Variants in KIF24 observed in about 807,000 individuals in gnomAD.
KIF24 encodes kinesin-like protein KIF24.
A neutral mutation model predicts 118.9 loss-of-function variants in KIF24; 81 were observed. The observed-to-expected ratio is 0.68, with a 90% confidence interval of 0.57 to 0.82. The LOEUF (loss-of-function observed/expected upper bound fraction) is 0.82, where lower values mean the gene tolerates loss of function less well. Among genes scored for constraint, KIF24 ranks in the 40% least tolerant of loss-of-function variants. KIF24 has a pLI of 0.00. For synonymous variants in KIF24, 599 were observed against 610.0 expected, an observed-to-expected ratio of 0.98 and a Z score of 0.27; for missense variants, 1,560 against 1,661.6, an observed-to-expected ratio of 0.94 and a Z score of 1.06.
intron 1 of KIF24, among the ~76,000 whole-genome samples, chr9:34,326,972 A>C (rs1416431324): frequency 6.6e-6 from 1 of 152,170 alleles, no homozygotes; most frequent in Non-Finnish European, 1.5e-5. Flanking sequence ...ACTTGGAAAA[A>C]ATGTTTCCTT....
At chr9:34,259,854 A>T (rs927455444) in intron 9 of KIF24, 149 bp from the exon 10 acceptor site, 1 of 597,164 alleles carries the variant, frequency 1.7e-6, no homozygotes, top group Non-Finnish European at 3.0e-6. Flanking sequence ...CAAATGGCCA[A>T]TAAACACAGA....
intron 8 of KIF24, among the ~76,000 whole-genome samples, chr9:34,264,325 G>A (rs1377014328): frequency 6.6e-6 from 1 of 151,882 alleles, no homozygotes; most frequent in African/African-American, 2.4e-5. Flanking sequence ...AGTTACTCAG[G>A]AGGCTGAGAA....
chr9:34,274,768 T>A (rs1835597028), intron 6 of KIF24, among the ~76,000 whole-genome samples: 1 of 28,776 alleles, frequency 3.5e-5, no homozygotes, highest in African/African-American at 7.2e-5. Context: ...CAAGGATGGA[T>A]TAAAAAAATG....
intron 3 of KIF24, among the ~76,000 whole-genome samples, chr9:34,298,489 T>G (rs1275590588): frequency 1.3e-5 from 2 of 150,072 alleles, no homozygotes; most frequent in Admixed American, 1.3e-4. Context: ...GAGGTTGCAG[T>G]GAGCTGAGAT....
At chr9:34,287,038 T>A (rs1312518056) in intron 5 of KIF24, among the ~76,000 whole-genome samples, 1 of 152,218 alleles carries the variant, frequency 6.6e-6, no homozygotes, top group Non-Finnish European at 1.5e-5. Context: ...CAAAGTAAAG[T>A]CCTGGTCTCT....
At position 34,257,479 on chromosome 9, in the gene KIF24, G is replaced by A. The variant is rs1834897400; in HGVS notation, c.2128C>T (p.Gln710Ter). The change falls in exon 11 of 13, where the codon CAG becomes TAG. Residue 710 changes from glutamine (Q) to a stop codon, truncating the protein, a stop_gained. Coordinates refer to ENST00000402558, the MANE Select transcript of KIF24 (RefSeq NM_194313.4). LOFTEE classifies it high-confidence loss of function. ...GACACAAGCTGCTTCTGTACTGGCT[G>A]CACTGTCTGCACTTTCTTGCACTTG... ...STKCKKVQTV[Q>*]PVQKQLVSRV... is the part of the protein sequence containing the mutation. 6.2e-7 allele frequency: 1 copy of A among 1,614,040 alleles called. No individual in the cohort carries two copies. Among genetic ancestry groups the A allele is most frequent in the Non-Finnish European group, 8.5e-7 (1 of 1,179,892 alleles).
intron 4 of KIF24, among the ~76,000 whole-genome samples, chr9:34,291,853 A>G (rs1347052350): frequency 2.6e-5 from 4 of 152,204 alleles, no homozygotes; most frequent in African/African-American, 9.6e-5. Context: ...GAACTCACTA[A>G]GCCAAATGGA....
intron 6 of KIF24, among the ~76,000 whole-genome samples, chr9:34,279,211 G>A (rs1835760169): frequency 6.6e-6 from 1 of 152,164 alleles, no homozygotes; most frequent in Non-Finnish European, 1.5e-5. Context: ...TAAATTTTAT[G>A]TATGTCATCT....
intron 2 of KIF24, among the ~76,000 whole-genome samples, chr9:34,307,284 T>TC (rs1836961385): frequency 6.6e-6 from 1 of 152,028 alleles, no homozygotes; most frequent in Non-Finnish European, 1.5e-5. Context: ...AGGCTGGTCT[T>TC]CAACTTATGG....
chr9:34,290,581 T>G (rs1836219399), intron 4 of KIF24, among the ~76,000 whole-genome samples, 192 bp from the exon 5 acceptor site: 2 of 151,006 alleles, frequency 1.3e-5, no homozygotes, highest in African/African-American at 4.9e-5. Context: ...ATTCTCAAAC[T>G]ACTACACAAG....
At chr9:34,284,025 T>G (rs995844578) in intron 6 of KIF24, among the ~76,000 whole-genome samples, 6 of 152,064 alleles carry the variant, frequency 3.9e-5, no homozygotes, top group Admixed American at 3.3e-4. Context: ...CCTAACACTT[T>G]GGGAGGCTGA....
At chr9:34,276,629 T>C (rs1247137573) in intron 6 of KIF24, among the ~76,000 whole-genome samples, 2 of 152,180 alleles carry the variant, frequency 1.3e-5, no homozygotes, top group Non-Finnish European at 2.9e-5. Context: ...ATCTAAGCAA[T>C]AGTATGTTTC....
intron 1 of KIF24, chr9:34,319,005 T>C: frequency 8.1e-7 from 1 of 1,228,958 alleles, no homozygotes; most frequent in Non-Finnish European, 1.2e-6. Context: ...GCCCTGCTTG[T>C]CAACACCATG....
intron 3 of KIF24, among the ~76,000 whole-genome samples, chr9:34,302,866 C>T (rs1292436786): frequency 6.6e-6 from 1 of 151,062 alleles, no homozygotes; most frequent in Non-Finnish European, 1.5e-5. Flanking sequence ...AGCTCCGCCT[C>T]CCGGGTTCAC....
At position 34,257,085 on chromosome 9, in the gene KIF24, G is replaced by C; in HGVS notation, c.2522C>G (p.Ala841Gly). Reference sequence around the variant, plus strand: ...CTCCAGGGTGTTCCTTTGCTTTGTGGCCCTCTGACTAGAGATGTGTGAAAA... The same window carrying C: ...CTCCAGGGTGTTCCTTTGCTTTGTGCCCCTCTGACTAGAGATGTGTGAAAA... ...DSFSHISSQR[A>G]TKQRNTLENS... The change falls in exon 11 of 13, where the codon GCC becomes GGC. Residue 841 changes from alanine to glycine, a missense_variant. By Grantham distance (60) the Ala-to-Gly change is moderately conservative. Transcript: ENST00000402558. The C allele has an allele frequency of 6.2e-7, 1 of 1,613,992 alleles. No individual in the cohort carries two copies. The highest frequency in any genetic ancestry group is 8.5e-7 in the Non-Finnish European group (1 of 1,179,892).
intron 6 of KIF24, among the ~76,000 whole-genome samples, chr9:34,278,375 A>C (rs188916031): frequency 4.6e-5 from 7 of 152,288 alleles, no homozygotes; most frequent in Admixed American, 1.3e-4. Context: ...ATGCCACTGC[A>C]CTCCAGCCTG....
chr9:34,298,651 C>G (rs903220040), intron 3 of KIF24, among the ~76,000 whole-genome samples: 1 of 151,752 alleles, frequency 6.6e-6, no homozygotes, highest in African/African-American at 2.4e-5. Context: ...ATATTTAATT[C>G]AGTAAATAGT....
At chr9:34,293,995 G>A (rs1836360937) in intron 4 of KIF24, among the ~76,000 whole-genome samples, 1 of 152,100 alleles carries the variant, frequency 6.6e-6, no homozygotes, top group South Asian at 2.1e-4. Flanking sequence ...TTTGAGACAG[G>A]GTCTTGCTCT....
intron 3 of KIF24, among the ~76,000 whole-genome samples, chr9:34,298,876 A>G (rs1028501238): frequency 6.6e-6 from 1 of 152,090 alleles, no homozygotes; most frequent in Non-Finnish European, 1.5e-5. Flanking sequence ...GGAGCTGGGG[A>G]GAGAAAGGGG....
Sources: allele counts gnomAD v4.1 joint callset (sites outside exome capture counted in the v4.1 genomes callset), GRCh38; gene constraint gnomAD v4.1.1; transcripts MANE v1.5; gene names NCBI Gene and HGNC (gene_info 2026-07-23, HGNC 2026-07-21).